Variants in SLC1A2 observed in about 807,000 individuals in gnomAD.
SLC1A2 encodes the protein solute carrier family 1 member 2.
SLC1A2 carries 15 observed loss-of-function variants against 48.8 expected under a neutral mutation model. That is an observed-to-expected ratio of 0.31 (90% CI 0.21 to 0.47). SLC1A2 has a LOEUF of 0.47. Among genes scored for constraint, SLC1A2 ranks in the 20% least tolerant of loss-of-function variants. SLC1A2 has a pLI of 0.99. For synonymous variants in SLC1A2, 279 were observed against 272.6 expected (o/e 1.02, Z -0.23); for missense variants, 502 against 730.5 (o/e 0.69, Z 3.61).
chr11:35,322,654 G>A, intron 1 of SLC1A2: 1 of 1,534,304 alleles, frequency 6.5e-7, no homozygotes, highest in Non-Finnish European at 8.7e-7. Context: ...TCCAGAGATT[G>A]CCCTACTGGA....
At chr11:35,334,203 T>C (rs1246779860) in intron 1 of SLC1A2, among the ~76,000 whole-genome samples, 1 of 152,154 alleles carries the variant, frequency 6.6e-6, no homozygotes. Flanking sequence ...TCAATTACTA[T>C]TTATCATCAG....
At chr11:35,372,397 G>A (rs947388999) in intron 1 of SLC1A2, among the ~76,000 whole-genome samples, 1 of 152,190 alleles carries the variant, frequency 6.6e-6, no homozygotes, top group Non-Finnish European at 1.5e-5. Context: ...TGGGCATTTA[G>A]CCACATGACA....
chr11:35,356,990 C>T (rs1314667001), intron 1 of SLC1A2, among the ~76,000 whole-genome samples: 1 of 151,962 alleles, frequency 6.6e-6, no homozygotes, highest in Non-Finnish European at 1.5e-5. Context: ...GCCTGTAATC[C>T]CAGCACGCTG....
intron 1 of SLC1A2, among the ~76,000 whole-genome samples, chr11:35,321,873 A>G (rs1038708274): frequency 6.6e-6 from 1 of 152,082 alleles, no homozygotes; most frequent in African/African-American, 2.4e-5. Flanking sequence ...CAAAGCAATA[A>G]AACCCAGGTT....
chr11:35,381,546 T>C (rs1854422651), intron 1 of SLC1A2, among the ~76,000 whole-genome samples: 1 of 151,982 alleles, frequency 6.6e-6, no homozygotes, highest in South Asian at 2.1e-4. Flanking sequence ...CCCTTCTTTC[T>C]CTTTGAGTTT....
intron 1 of SLC1A2, chr11:35,391,524 C>T (rs904796088): frequency 6.6e-6 from 1 of 152,224 alleles, no homozygotes; most frequent in Non-Finnish European, 1.5e-5. Context: ...CATACACCCT[C>T]CAAAACCCTT....
chr11:35,402,892 C>T (rs1330956419), intron 1 of SLC1A2, among the ~76,000 whole-genome samples: 1 of 152,208 alleles, frequency 6.6e-6, no homozygotes, highest in Non-Finnish European at 1.5e-5. Flanking sequence ...AGAGCAAATA[C>T]AGCACTCAAA....
chr11:35,389,815 A>G (rs1854705652), intron 1 of SLC1A2, among the ~76,000 whole-genome samples: 2 of 151,458 alleles, frequency 1.3e-5, no homozygotes, highest in South Asian at 4.2e-4. Flanking sequence ...GTCTTGCTAT[A>G]TTGCCCAGGC....
intron 1 of SLC1A2, among the ~76,000 whole-genome samples, chr11:35,335,502 C>G (rs1279810024): frequency 6.6e-6 from 1 of 152,164 alleles, no homozygotes; most frequent in Non-Finnish European, 1.5e-5. Context: ...ATGATCCAGA[C>G]CCTGGGCATG....
intron 1 of SLC1A2, among the ~76,000 whole-genome samples, chr11:35,386,054 T>C (rs1254202851): frequency 6.6e-6 from 1 of 152,044 alleles, no homozygotes; most frequent in Non-Finnish European, 1.5e-5. Flanking sequence ...TAGTCCCAGC[T>C]ACTCAGGAGG....
At chr11:35,285,876 G>A (rs908248012) in intron 8 of SLC1A2, 9 of 152,218 alleles carry the variant, frequency 5.9e-5, no homozygotes, top group African/African-American at 1.9e-4. Context: ...AATTGAGACT[G>A]AGAGTAGGGA....
At position 35,374,199 on chromosome 11, in the gene SLC1A2, G is replaced by A. The variant is rs142383455; in HGVS notation, c.17+44751C>T. ...AGGTGATTCTACCACAGCCTCCCTCGCTCTGTGACTTGCTGGCTTTGAATG... is the reference window on the plus strand; with the variant it reads ...AGGTGATTCTACCACAGCCTCCCTCACTCTGTGACTTGCTGGCTTTGAATG... On this transcript the variant is annotated intron_variant, in intron 1 of 10. Coordinates refer to ENST00000278379, the MANE Select transcript of SLC1A2 (RefSeq NM_004171.4). 685 of 492,510 alleles carry A rather than the reference G, an allele frequency of 1.4e-3. 2 individuals carry two copies. The highest frequency in any genetic ancestry group is 0.013 in the African/African-American group (652 of 49,362). 30.5% of individuals were successfully genotyped at this position (492,510 alleles called of 1,614,324 possible). A position where few individuals can be genotyped will look rare whatever the true frequency, so the allele number is the denominator to read the frequency against.
Position 35,332,769 on chromosome 11 carries a change from C to T in SLC1A2, c.18-15253G>A, listed in dbSNP as rs117876146. Among the ~76,000 whole-genome samples, 87 of 152,288 alleles carry T rather than the reference C, an allele frequency of 5.7e-4. No homozygotes were observed. The East Asian group carries it at 0.017, about 29-fold the overall frequency. On this transcript the variant is annotated intron_variant, in intron 1 of 10. Coordinates refer to ENST00000278379, the MANE Select transcript of SLC1A2 (RefSeq NM_004171.4). The stretch of plus-strand genomic sequence containing the variant: ...ATTGTCCTTTATCTGAGAGCAGATT[C>T]GACTCCACAGTTCCTTAGGGCAGAA...
chr11:35,311,880 G>GAGAA, intron 4 of SLC1A2, among the ~76,000 whole-genome samples: 1 of 63,996 alleles, frequency 1.6e-5, no homozygotes, highest in Non-Finnish European at 3.6e-5. Context: ...AGGAGAGAGA[G>GAGAA]AGAGAGAGAG....
At chr11:35,351,865 ACAT>A (rs151038270) in intron 1 of SLC1A2, among the ~76,000 whole-genome samples, 341 of 152,260 alleles carry the variant, frequency 2.2e-3, no homozygotes, top group Non-Finnish European at 3.9e-3. Context: ...CAAACTCCTG[ACAT>A]CATGATCCAC....
At position 35,372,054 on chromosome 11, in the gene SLC1A2, C is replaced by T. The variant is rs201767098; in HGVS notation, c.17+46896G>A. ...TCCCCCATCAGTCATGGTGCCTTCA[C>T]CACTGTCTGCAACTACCAAAAGGGG... On this transcript the variant is annotated intron_variant, in intron 1 of 10. Transcript: ENST00000278379. Among the ~76,000 whole-genome samples the T allele has an allele frequency of 1.4e-4, 22 of 152,344 alleles. No homozygotes were observed. The East Asian group carries it at 3.9e-3, about 27-fold the overall frequency.
chr11:35,331,114 C>T (rs1399970601), intron 1 of SLC1A2, among the ~76,000 whole-genome samples: 1 of 152,188 alleles, frequency 6.6e-6, no homozygotes, highest in Middle Eastern at 3.2e-3. Context: ...AGAGAAGCAG[C>T]ATGCTCAGCC....
chr11:35,381,846 A>C (rs1002519178), intron 1 of SLC1A2, among the ~76,000 whole-genome samples: 1 of 152,204 alleles, frequency 6.6e-6, no homozygotes, highest in Non-Finnish European at 1.5e-5. Flanking sequence ...AGAAACACAC[A>C]ACTATGATGA....
intron 1 of SLC1A2, among the ~76,000 whole-genome samples, chr11:35,405,750 C>A (rs971170360): frequency 6.6e-6 from 1 of 152,196 alleles, no homozygotes; most frequent in Non-Finnish European, 1.5e-5. Context: ...TGCTTCCCAA[C>A]TGATTATTCT....
Sources: allele counts gnomAD v4.1 joint callset (sites outside exome capture counted in the v4.1 genomes callset), GRCh38; gene constraint gnomAD v4.1.1; transcripts MANE v1.5; gene names NCBI Gene and HGNC (gene_info 2026-07-23, HGNC 2026-07-21).